PDE8A: variants seen among roughly 807,000 people sequenced by gnomAD.
PDE8A encodes high affinity cAMP-specific and IBMX-insensitive 3',5'-cyclic phosphodiesterase 8A.
Under a neutral mutation model 105.0 loss-of-function variants are expected in PDE8A, and 59 were observed. That is an observed-to-expected ratio of 0.56 (90% CI 0.46 to 0.70). The LOEUF (loss-of-function observed/expected upper bound fraction) is 0.70. Among genes scored for constraint, PDE8A ranks in the 30% least tolerant of loss-of-function variants. The pLI is 0.00. For synonymous variants in PDE8A, 355 were observed against 371.9 expected, an observed-to-expected ratio of 0.95 and a Z score of 0.52; for missense variants, 1,014 against 1,045.9, an observed-to-expected ratio of 0.97 and a Z score of 0.42.
At position 85,109,054 on chromosome 15, in the gene PDE8A, TA is replaced by T; in HGVS notation, c.1040del (p.Asn347IlefsTer14). 6.3e-7 allele frequency: 1 copy of T among 1,599,612 alleles called. No homozygotes were observed. The highest frequency in any genetic ancestry group is 8.6e-7 in the Non-Finnish European group (1 of 1,167,352). ...GTGATTTATCATTTGTTTCTACAGA[TA>T]ATCAGACAGGCAAACATAAAGACAG... ...ECVQSDTHTD[N>X]QTGKHKDRRK... On this transcript the variant is annotated frameshift_variant and splice_region_variant, in exon 12 of 22. Transcript: ENST00000394553. LOFTEE classifies it high-confidence loss of function.
rs887901195 is a variant in PDE8A, at chr15:85,039,561, C to T, written c.187-24809C>T. Among the ~76,000 whole-genome samples, 11 of 151,342 alleles carry T rather than the reference C, an allele frequency of 7.3e-5. No individual in the cohort carries two copies. The South Asian group carries it at 2.3e-3, about 32-fold the overall frequency. ...AGTATGGAGGTTCCTAAAAAAAAAA[C>T]TAAAAATAGACTTAGCATGCCATCT... On this transcript the variant is annotated intron_variant, in intron 1 of 21. Coordinates refer to ENST00000394553, the MANE Select transcript of PDE8A (RefSeq NM_002605.3).
intron 1 of PDE8A, among the ~76,000 whole-genome samples, chr15:84,988,622 C>T (rs1364792160): frequency 6.6e-6 from 1 of 152,238 alleles, no homozygotes; most frequent in East Asian, 1.9e-4. Flanking sequence ...CTGGTTCTTT[C>T]CATTGCCCTT....
chr15:84,985,712 T>C (rs2079791459), intron 1 of PDE8A, among the ~76,000 whole-genome samples: 1 of 152,316 alleles, frequency 6.6e-6, no homozygotes, highest in African/African-American at 2.4e-5. Context: ...AGGCCTTCCG[T>C]AAACGTATGT....
chr15:85,045,767 G>C (rs12909971), intron 1 of PDE8A, among the ~76,000 whole-genome samples: 31,504 of 152,078 alleles, frequency 0.21, 4,313 homozygotes, highest in Middle Eastern at 0.34. Context: ...CTAAGAACTG[G>C]TATCTCCTGA....
In PDE8A at chr15:85,064,377, T is replaced by G; in HGVS notation, c.194T>G (p.Val65Gly). ...LRDGSGKKVA[V>G]ADVQFGPMRF... is the part of the protein sequence containing the mutation. Reference sequence around the variant, plus strand: ...CCAATCTCTTTCTTACAGGTAGCAGTAGCTGATGTGCAGTTTGGCCCCATG... The same window carrying G: ...CCAATCTCTTTCTTACAGGTAGCAGGAGCTGATGTGCAGTTTGGCCCCATG... Residue 65 changes from valine (V) to glycine (G), a missense_variant, in exon 2 of 22, where the codon GTA becomes GGA. Transcript: ENST00000394553. 1 of 1,606,492 alleles carries G rather than the reference T, an allele frequency of 6.2e-7. No individual in the cohort carries two copies. The highest frequency in any genetic ancestry group is 1.1e-5 in the South Asian group (1 of 90,640).
At chr15:85,069,384 A>G (rs2081279066) in intron 3 of PDE8A, among the ~76,000 whole-genome samples, 1 of 152,168 alleles carries the variant, frequency 6.6e-6, no homozygotes, top group South Asian at 2.1e-4. Context: ...TTTGCTTTAT[A>G]TTGAACCCAA....
chr15:84,991,721 T>A (rs2079888268), intron 1 of PDE8A, among the ~76,000 whole-genome samples: 1 of 152,226 alleles, frequency 6.6e-6, no homozygotes, highest in Non-Finnish European at 1.5e-5. Context: ...AAAAAAGTTA[T>A]GATATGTTCA....
intron 1 of PDE8A, among the ~76,000 whole-genome samples, chr15:85,055,693 C>G (rs1006255211): frequency 6.6e-6 from 1 of 152,118 alleles, no homozygotes; most frequent in Non-Finnish European, 1.5e-5. Context: ...TTATTTTGAG[C>G]CTGTGTGTGT....
chr15:85,135,789 GT>G (rs1438881617), intron 20 of PDE8A, among the ~76,000 whole-genome samples: 1 of 152,004 alleles, frequency 6.6e-6, no homozygotes, highest in Non-Finnish European at 1.5e-5. Flanking sequence ...TATGTTTTTA[GT>G]TTTTTGCGAG....
In PDE8A at chr15:84,981,987, A is replaced by G. The variant is rs2079717066; in HGVS notation, c.-176A>G. ...TTCCCACCGCAGCCGCCGCCGCCGC[A>G]GCGCCCGCACCGCGATAAAAGGGGC... On this transcript the variant is annotated 5_prime_UTR_variant, in exon 1 of 22. Transcript: ENST00000394553. The G allele has an allele frequency of 3.2e-6, 1 of 309,496 alleles. No individual in the cohort carries two copies. The highest frequency in any genetic ancestry group is 5.7e-6 in the Non-Finnish European group (1 of 174,092). The allele number at this position is 309,496 out of a possible 1,614,324, so 19.2% of individuals were successfully genotyped here. A position where few individuals can be genotyped will look rare whatever the true frequency, so the allele number is the denominator to read the frequency against.
chr15:85,079,989 T>C (rs981516448), intron 5 of PDE8A, among the ~76,000 whole-genome samples: 1 of 151,930 alleles, frequency 6.6e-6, no homozygotes, highest in Non-Finnish European at 1.5e-5. Context: ...GGCTGTTAGA[T>C]TGGGTTGAAA....
At chr15:85,120,653 A>G (rs2082166837) in intron 17 of PDE8A, 144 bp from the exon 18 acceptor site, 1 of 604,070 alleles carries the variant, frequency 1.7e-6, no homozygotes, top group Non-Finnish European at 2.9e-6. Flanking sequence ...GAGATAGGAA[A>G]ACTAGATTTG....
intron 15 of PDE8A, 89 bp downstream of exon 15, chr15:85,115,576 G>T: frequency 1.5e-6 from 1 of 667,132 alleles, no homozygotes; most frequent in East Asian, 3.0e-5. Context: ...ACCTCATTAA[G>T]AAGTTTCTTG....
intron 17 of PDE8A, among the ~76,000 whole-genome samples, chr15:85,119,468 CAA>C (rs546194907): frequency 1.7e-5 from 1 of 58,572 alleles, no homozygotes; most frequent in Non-Finnish European, 3.1e-5. Context: ...ACTCTCGTCT[CAA>C]AAAAAAAAAA....
intron 19 of PDE8A, among the ~76,000 whole-genome samples, chr15:85,123,782 TTTAG>T (rs1365364460): frequency 1.3e-5 from 2 of 152,318 alleles, no homozygotes; most frequent in African/African-American, 4.8e-5. Flanking sequence ...GCTCACTGAA[TTTAG>T]TTTTTATTGG....
chr15:85,078,327 C>G (rs574517366), intron 5 of PDE8A, among the ~76,000 whole-genome samples: 1 of 151,686 alleles, frequency 6.6e-6, no homozygotes, highest in Non-Finnish European at 1.5e-5. Context: ...GTGGGCAGAT[C>G]ACGAGGTCAG....
intron 1 of PDE8A, among the ~76,000 whole-genome samples, chr15:85,055,806 AC>A (rs1301922605): frequency 3.3e-5 from 5 of 152,158 alleles, no homozygotes; most frequent in Non-Finnish European, 5.9e-5. Context: ...TAGCCCATTT[AC>A]ATTTAAGGTT....
At chr15:85,100,326 C>A in intron 11 of PDE8A, 128 bp downstream of exon 11, 1 of 780,610 alleles carries the variant, frequency 1.3e-6, no homozygotes, top group Non-Finnish European at 2.1e-6. Flanking sequence ...CATTTCTCTC[C>A]TTGACTCCCC....
At chr15:85,118,205 G>C (rs1228822394) in intron 17 of PDE8A, among the ~76,000 whole-genome samples, 1 of 152,138 alleles carries the variant, frequency 6.6e-6, no homozygotes, top group Non-Finnish European at 1.5e-5. Context: ...ATGAAAGTCT[G>C]CAGGGCTCTA....
Sources: allele counts gnomAD v4.1 joint callset (sites outside exome capture counted in the v4.1 genomes callset), GRCh38; gene constraint gnomAD v4.1.1; transcripts MANE v1.5; gene names NCBI Gene and HGNC (gene_info 2026-07-23, HGNC 2026-07-21).